Variants in NTRK3 observed in about 807,000 individuals in gnomAD.
NTRK3 encodes NT-3 growth factor receptor.
NTRK3 carries 24 observed loss-of-function variants against 91.7 expected under a neutral mutation model. That is an observed-to-expected ratio of 0.26 (90% CI 0.19 to 0.37). NTRK3 has a LOEUF of 0.37. Among genes scored for constraint, NTRK3 ranks in the 10% least tolerant of loss-of-function variants. NTRK3 has a pLI of 1.00. For synonymous variants in NTRK3, 483 were observed against 404.0 expected (o/e 1.20, Z -2.34); for missense variants, 880 against 1,068.9 (o/e 0.82, Z 2.46).
At chr15:88,136,606 A>G in exon 8 of NTRK3, 1 of 1,612,396 alleles carries the variant, frequency 6.2e-7, no homozygotes, top group Non-Finnish European at 8.5e-7. Context: ...GATCTCAGGA[A>G]GGTCTGGGAG....
chr15:88,120,694 G>A (rs907503079), intron 13 of NTRK3, among the ~76,000 whole-genome samples: 4 of 152,184 alleles, frequency 2.6e-5, no homozygotes, highest in East Asian at 1.9e-4. Context: ...GAGAATTTTC[G>A]AAAGCCCCAT....
chr15:88,049,381 T>C (rs1173627360), intron 13 of NTRK3, among the ~76,000 whole-genome samples: 2 of 152,160 alleles, frequency 1.3e-5, no homozygotes, highest in African/African-American at 4.8e-5. Context: ...CTTAACAATA[T>C]TGTTTGTTGG....
intron 14 of NTRK3, among the ~76,000 whole-genome samples, chr15:87,958,325 C>A (rs981926838): frequency 6.6e-6 from 1 of 152,106 alleles, no homozygotes; most frequent in African/African-American, 2.4e-5. Flanking sequence ...CTCTGAGCAT[C>A]CTTAGGACGG....
At chr15:88,256,653 G>A in exon 1 of NTRK3, 3 of 408,170 alleles carry the variant, frequency 7.3e-6, no homozygotes, top group East Asian at 7.2e-5. Context: ...CCCGGAGCCC[G>A]AGGAAAGGAA....
At chr15:87,929,349 T>C (rs1249331416) in exon 17 of NTRK3, 1 of 1,614,146 alleles carries the variant, frequency 6.2e-7, no homozygotes, top group Non-Finnish European at 8.5e-7. Flanking sequence ...TGACTGGCAA[T>C]GTGGAGCATT....
chr15:88,089,836 C>A (rs575243825), intron 13 of NTRK3, among the ~76,000 whole-genome samples: 3 of 152,174 alleles, frequency 2.0e-5, no homozygotes, highest in Admixed American at 1.3e-4. Flanking sequence ...CCCTCCCCTG[C>A]GTTACACCCT....
chr15:88,131,435 T>C (rs566495052), intron 10 of NTRK3, among the ~76,000 whole-genome samples: 4 of 152,304 alleles, frequency 2.6e-5, no homozygotes, highest in African/African-American at 9.6e-5. Context: ...TTGTTGTCTG[T>C]TCTGTATTGT....
intron 14 of NTRK3, 25 bp downstream of exon 14, chr15:88,032,832 G>A (rs753589215): frequency 1.3e-5 from 21 of 1,613,160 alleles, no homozygotes; most frequent in Admixed American, 1.2e-4. Flanking sequence ...CCCCAGGAGG[G>A]AGAGCATTCC....
At chr15:87,998,451 C>T (rs1024022810) in intron 14 of NTRK3, among the ~76,000 whole-genome samples, 6 of 152,220 alleles carry the variant, frequency 3.9e-5, no homozygotes, top group East Asian at 1.9e-4. Flanking sequence ...GGGGCAGTGG[C>T]GATGCCAGCT....
At chr15:87,927,073 G>C (rs763021533) in intron 17 of NTRK3, 1 of 152,218 alleles carries the variant, frequency 6.6e-6, no homozygotes, top group African/African-American at 2.4e-5. Context: ...ACTCCTCTTT[G>C]ATATTTTCTG....
intron 17 of NTRK3, among the ~76,000 whole-genome samples, chr15:87,885,452 T>C (rs986499177): frequency 3.3e-5 from 5 of 151,872 alleles, no homozygotes; most frequent in African/African-American, 9.7e-5. Context: ...AACTAAGATA[T>C]ACTTGAAATA....
intron 11 of NTRK3, among the ~76,000 whole-genome samples, chr15:88,128,151 C>T (rs763548102): frequency 1.2e-4 from 19 of 152,244 alleles, no homozygotes; most frequent in Non-Finnish European, 2.5e-4. Context: ...GGTTTCCCTA[C>T]AGTCCATAAA....
intron 14 of NTRK3, among the ~76,000 whole-genome samples, chr15:87,985,991 C>T (rs1302206891): frequency 2.0e-5 from 3 of 152,140 alleles, no homozygotes; most frequent in Non-Finnish European, 4.4e-5. Flanking sequence ...AAAATCCTTC[C>T]ACTCCATAAC....
At chr15:87,929,093 T>G in intron 17 of NTRK3, 98 bp downstream of exon 17, 2 of 1,580,882 alleles carry the variant, frequency 1.3e-6, no homozygotes, top group Non-Finnish European at 1.7e-6. Flanking sequence ...TGTGTATATG[T>G]GTGTGCCAGA....
At chr15:88,047,192 A>G (rs767434154) in intron 13 of NTRK3, among the ~76,000 whole-genome samples, 2 of 152,248 alleles carry the variant, frequency 1.3e-5, no homozygotes, top group Admixed American at 6.5e-5. Context: ...CACATGAACT[A>G]GTAGCACGTG....
intron 17 of NTRK3, among the ~76,000 whole-genome samples, chr15:87,881,295 C>A (rs900564079): frequency 2.6e-5 from 4 of 152,168 alleles, no homozygotes; most frequent in South Asian, 2.1e-4. Context: ...GGAACTGAAA[C>A]TTTTGCCTAA....
chr15:87,973,993 TACACA>T (rs1306687953), intron 14 of NTRK3, among the ~76,000 whole-genome samples: 1 of 152,174 alleles, frequency 6.6e-6, no homozygotes, highest in Non-Finnish European at 1.5e-5. Context: ...TGCAGAAAGC[TACACA>T]ACAATGAAGT....
chr15:87,913,211 T>C (rs1449831908), intron 17 of NTRK3, among the ~76,000 whole-genome samples: 1 of 151,978 alleles, frequency 6.6e-6, no homozygotes, highest in African/African-American at 2.4e-5. Flanking sequence ...AATTTGGGGA[T>C]GCTAGTCTCA....
chr15:88,184,309 A>G lies in NTRK3; in HGVS notation c.249-10T>C, dbSNP rs2046772660. On this transcript the variant is annotated splice_polypyrimidine_tract_variant and intron_variant, in intron 3 of 18. Transcript: ENST00000394480. Reference sequence around the variant, plus strand: ...CCAGTTCTCTATGTGTCTGCAGGGGAGGAGGAAAGGTAACGGTCAGCCAGA... The same window carrying G: ...CCAGTTCTCTATGTGTCTGCAGGGGGGGAGGAAAGGTAACGGTCAGCCAGA... The G allele has an allele frequency of 6.2e-7, 1 of 1,613,768 alleles. No individual in the cohort carries two copies. Among genetic ancestry groups the G allele is most frequent in the Non-Finnish European group, 8.5e-7 (1 of 1,179,792 alleles).
Sources: allele counts gnomAD v4.1 joint callset (sites outside exome capture counted in the v4.1 genomes callset), GRCh38; gene constraint gnomAD v4.1.1; transcripts MANE v1.5; gene names NCBI Gene and HGNC (gene_info 2026-07-23, HGNC 2026-07-21).